The following EOMES variants were observed in gnomAD, a reference collection of about 807,000 sequenced individuals.
EOMES encodes the protein eomesodermin homolog.
EOMES carries 18 observed loss-of-function variants against 61.0 expected under a neutral mutation model. That is an observed-to-expected ratio of 0.30 (90% CI 0.20 to 0.44). The LOEUF (loss-of-function observed/expected upper bound fraction) is 0.44. EOMES is among the 20% of genes least tolerant of loss of function. The pLI is 1.00. For synonymous variants in EOMES, 430 were observed against 394.0 expected, an observed-to-expected ratio of 1.09 and a Z score of -1.08; for missense variants, 885 against 939.2, an observed-to-expected ratio of 0.94 and a Z score of 0.75.
Position 27,717,853 on chromosome 3 carries a change from T to C in EOMES, c.1380-45A>G. On this transcript the variant is annotated intron_variant, in intron 5 of 5. Coordinates refer to ENST00000449599, the MANE Select transcript of EOMES (RefSeq NM_001278182.2). This position sits in a 1 kb window ranked among gnomAD's most constrained non-coding sequence, Gnocchi z 4.5. ...ACTTAAAAAAAAAAAAAAACCCTAA[T>C]GTTGTCCCCAAACAAACCACCTCCC... 2 of 1,226,834 alleles carry C rather than the reference T, an allele frequency of 1.6e-6. No individual in the cohort carries two copies. Among genetic ancestry groups the C allele is most frequent in the Non-Finnish European group, 2.2e-6 (2 of 906,476 alleles). 76.0% of individuals were successfully genotyped at this position (1,226,834 alleles called of 1,614,324 possible).
Position 27,721,715 on chromosome 3 carries a change from C to T in EOMES, c.580G>A (p.Gly194Ser), listed in dbSNP as rs1276070711. 15 of 1,487,434 alleles carry T rather than the reference C, an allele frequency of 1.0e-5. No homozygotes were observed. The highest frequency in any genetic ancestry group is 1.3e-5 in the South Asian group (1 of 74,090). 92.1% of individuals were successfully genotyped at this position (1,487,434 alleles called of 1,614,324 possible). A position where few individuals can be genotyped will look rare whatever the true frequency, so the allele number is the denominator to read the frequency against. The change falls in exon 1 of 6, where the codon GGC becomes AGC. Residue 194 changes from glycine (G) to serine (S), a missense_variant. By Grantham distance (56) the Gly-to-Ser change is moderately conservative. Transcript: ENST00000449599. This position sits in a 1 kb window ranked among gnomAD's most constrained non-coding sequence, Gnocchi z 7.4. Reference sequence around the variant, plus strand: ...GGGCACACAGCCGCGGGGAAGCCGCCGGGGGGCAGCATGGAGCCGTAGGGG... The same window carrying T: ...GGGCACACAGCCGCGGGGAAGCCGCTGGGGGGCAGCATGGAGCCGTAGGGG... The part of the protein sequence containing the change: ...RYPYGSMLPP[G>S]GFPAAVCPPG...
At position 27,718,816 on chromosome 3, in the gene EOMES, G is replaced by A. The variant is rs1220067624; in HGVS notation, c.1236C>T (p.Asp412=). ...TCTGGGTCTTTGAGGGCTCATTCAA[G>A]TCCTCCACGCCATCCTCTGTAACTT... ...IVEVTEDGVE[D]LNEPSKTQTF... The change falls in exon 4 of 6, where the codon GAC becomes GAT. Residue 412 remains aspartate (D), a synonymous_variant. Coordinates refer to ENST00000449599, the MANE Select transcript of EOMES (RefSeq NM_001278182.2). The A allele has an allele frequency of 1.2e-6, 2 of 1,614,122 alleles. No homozygotes were observed. Among genetic ancestry groups the A allele is most frequent in the Non-Finnish European group, 1.7e-6 (2 of 1,179,948 alleles).
intron 5 of EOMES, among the ~76,000 whole-genome samples, chr3:27,718,010 T>C (rs917136214): frequency 6.6e-6 from 1 of 152,102 alleles, no homozygotes; most frequent in Non-Finnish European, 1.5e-5. Context: ...TTTCCCACCA[T>C]GCAAGAAAAA....
Position 27,722,207 on chromosome 3 carries a change from C to A in EOMES, c.88G>T (p.Gly30Cys), listed in dbSNP as rs749340317. The A allele has an allele frequency of 4.1e-5, 66 of 1,604,522 alleles. No homozygotes were observed. Among genetic ancestry groups the A allele is most frequent in the Non-Finnish European group, 5.0e-5 (59 of 1,176,638 alleles). ...YPLESARGGS[G>C]GSAGHLPSAA... is the part of the protein sequence containing the mutation. ...CTGGGGAGGTGGCCAGCGCTCCCGC[C>A]GCTGCCGCCTCGCGCACTCTCCAGC... The change falls in exon 1 of 6, where the codon GGC becomes TGC. Residue 30 changes from glycine (G) to cysteine (C), a missense_variant. Coordinates refer to ENST00000449599, the MANE Select transcript of EOMES (RefSeq NM_001278182.2).
upstream of EOMES, chr3:27,722,598 A>G: frequency 8.5e-7 from 1 of 1,180,864 alleles, no homozygotes; most frequent in Non-Finnish European, 1.0e-6. Flanking sequence ...CCCTCCTCCC[A>G]GGCTCACACG....
At chr3:27,719,998 C>T (rs1483150241) in intron 2 of EOMES, among the ~76,000 whole-genome samples, 173 bp downstream of exon 2, 4 of 152,096 alleles carry the variant, frequency 2.6e-5, no homozygotes, top group Non-Finnish European at 4.4e-5. Context: ...TCTGACTTAG[C>T]AAACTCTCCT....
rs769288626 is a variant in EOMES at position 27,717,647 on chromosome 3, G to T, written c.1541C>A (p.Thr514Asn). 3 of 1,613,946 alleles carry T rather than the reference G, an allele frequency of 1.9e-6. No individual in the cohort carries two copies. Among genetic ancestry groups the T allele is most frequent in the African/African-American group, 2.7e-5 (2 of 74,890 alleles). ...AAGGAGGCCGTTGGTCTGTGGCACG[G>T]TTCTCTCGCCATTATAATAGCGGGC... ...PQARYYNGER[T>N]VPQTNGLLSP... Residue 514 changes from threonine to asparagine, a missense_variant, in exon 6 of 6, where the codon ACC becomes AAC. Transcript: ENST00000449599. This position sits in a 1 kb window ranked among gnomAD's most constrained non-coding sequence, Gnocchi z 4.5.
rs908263568 is a variant in EOMES, at chr3:27,716,873, T to A, written c.*197A>T. The stretch of plus-strand genomic sequence containing the variant: ...AAAGTCTTCCATTAATCTTATTTTT[T>A]AAAAATGCTAGGTTTGTTTCAGTTA... On this transcript the variant is annotated 3_prime_UTR_variant, in exon 6 of 6. Transcript: ENST00000449599. 4.3e-5 allele frequency: 24 copies of A among 556,984 alleles called. No individual in the cohort carries two copies. Among genetic ancestry groups the A allele is most frequent in the African/African-American group, 1.7e-4 (9 of 53,402 alleles). The allele number at this position is 556,984 out of a possible 1,614,324, so 34.5% of individuals were successfully genotyped here. A position where few individuals can be genotyped will look rare whatever the true frequency, so the allele number is the denominator to read the frequency against.
In EOMES at chr3:27,717,116, G is replaced by A; in HGVS notation, c.2072C>T (p.Thr691Ile). The A allele has an allele frequency of 6.2e-7, 1 of 1,611,940 alleles. No individual in the cohort carries two copies. The highest frequency in any genetic ancestry group is 8.5e-7 in the Non-Finnish European group (1 of 1,178,050). The change falls in exon 6 of 6, where the codon ACC (threonine) becomes ATC (isoleucine). Residue 691 changes from threonine to isoleucine, a missense_variant. This residue lies in a region of EOMES where 259 missense variants were observed against 282.3 expected (regional missense o/e 0.92). Coordinates refer to ENST00000449599, the MANE Select transcript of EOMES (RefSeq NM_001278182.2). The surrounding 1 kb of genome is among the most constrained non-coding windows in gnomAD (Gnocchi z 4.5). ...ATAATACCCTCCCATGCCTTTTGAG[G>A]TGTCTTTACTATACTCTTCAGCATT... ...DINAEEYSKD[T>I]SKGMGGYYAF...
intron 1 of EOMES, among the ~76,000 whole-genome samples, chr3:27,720,799 C>T (rs1192049113): frequency 6.6e-6 from 1 of 152,068 alleles, no homozygotes; most frequent in Non-Finnish European, 1.5e-5. Context: ...CTCTCAGCAC[C>T]CACCCCTCCC....
At position 27,717,588 on chromosome 3, in the gene EOMES, G is replaced by A. The variant is rs1344038707; in HGVS notation, c.1600C>T (p.Pro534Ser). Residue 534 changes from proline (P) to serine (S), a missense_variant, in exon 6 of 6, where the codon CCC (proline) becomes TCC (serine). Transcript: ENST00000449599. This position sits in a 1 kb window ranked among gnomAD's most constrained non-coding sequence, Gnocchi z 4.5. Reference sequence around the variant, plus strand: ...ACAGGCGTGACAAGCCACCGCTGGGGAGGGTTGGCCACCTCTTCGCTCTGT... The same window carrying A: ...ACAGGCGTGACAAGCCACCGCTGGGAAGGGTTGGCCACCTCTTCGCTCTGT... Reference protein sequence around the residue: ...PQQSEEVANPPQRWLVTPVQQ... With the variant: ...PQQSEEVANPSQRWLVTPVQQ... 1 of 1,614,096 alleles carries A rather than the reference G, an allele frequency of 6.2e-7. No homozygotes were observed. Among genetic ancestry groups the A allele is most frequent in the Non-Finnish European group, 8.5e-7 (1 of 1,180,042 alleles).
In EOMES at chr3:27,721,656, A is replaced by C; in HGVS notation, c.639T>G (p.Gly213=). The change falls in exon 1 of 6, where the codon GGT becomes GGG. Residue 213 remains glycine, a synonymous_variant. Transcript: ENST00000449599. This position sits in a 1 kb window ranked among gnomAD's most constrained non-coding sequence, Gnocchi z 7.4. ...TGCTACCGCCCGCGCCACTGCCCGCACCGGCTCCTGGGCCGAACTGCGCCC... is the reference window on the plus strand; with the variant it reads ...TGCTACCGCCCGCGCCACTGCCCGCCCCGGCTCCTGGGCCGAACTGCGCCC... The part of the protein sequence containing the change: ...PGRAQFGPGA[G]AGSGAGGSSG... 2 of 1,539,364 alleles carry C rather than the reference A, an allele frequency of 1.3e-6. No homozygotes were observed. Among genetic ancestry groups the C allele is most frequent in the Non-Finnish European group, 1.7e-6 (2 of 1,145,848 alleles).
Position 27,721,877 on chromosome 3 carries a change from T to G in EOMES, c.418A>C (p.Ser140Arg). The change falls in exon 1 of 6, where the codon AGC becomes CGC. Residue 140 changes from serine (S) to arginine (R), a missense_variant. This residue lies in a region of EOMES where 449 missense variants were observed against 383.6 expected (regional missense o/e 1.17). Coordinates refer to ENST00000449599, the MANE Select transcript of EOMES (RefSeq NM_001278182.2). The surrounding 1 kb of genome is among the most constrained non-coding windows in gnomAD (Gnocchi z 7.4). ...ATARYSMDSL[S>R]SERYYLQSPG... ...GACTGGAGGTAGTACCGCTCGGAGC[T>G]CAGGCTGTCCATGGAGTAGCGCGCA... is the stretch of plus-strand genomic sequence containing the variant. 1.3e-6 allele frequency: 2 copies of G among 1,494,404 alleles called. No individual in the cohort carries two copies. Among genetic ancestry groups the G allele is most frequent in the Admixed American group, 2.5e-5 (1 of 39,772 alleles). The allele number at this position is 1,494,404 out of a possible 1,614,324, so 92.6% of individuals were successfully genotyped here.
rs1377655808 is a variant in EOMES, at chr3:27,722,080, C to T, written c.215G>A (p.Ser72Asn). 1.9e-6 allele frequency: 3 copies of T among 1,547,858 alleles called. No individual in the cohort carries two copies. Among genetic ancestry groups the T allele is most frequent in the Admixed American group, 3.9e-5 (2 of 50,828 alleles). Residue 72 changes from serine to asparagine, a missense_variant, in exon 1 of 6, where the codon AGC becomes AAC. Around this residue, in one of 3 missense-constraint regions of EOMES, gnomAD observed 449 missense variants for 383.6 expected, o/e 1.17. Coordinates refer to ENST00000449599, the MANE Select transcript of EOMES (RefSeq NM_001278182.2). ...EAVSGEPAAASAGAPAAMLSD... is the reference protein window; with the variant it reads ...EAVSGEPAAANAGAPAAMLSD... ...AAGCATGGCCGCGGGGGCCCCTGCG[C>T]TGGCGGCTGCGGGCTCCCCGCTCAC...
At position 27,717,852 on chromosome 3, in the gene EOMES, A is replaced by T. The variant is rs2060581852; in HGVS notation, c.1380-44T>A. 7.6e-7 allele frequency: 1 copy of T among 1,323,842 alleles called. No homozygotes were observed. Among genetic ancestry groups the T allele is most frequent in the Admixed American group, 2.8e-5 (1 of 35,644 alleles). The allele number at this position is 1,323,842 out of a possible 1,614,324, so 82.0% of individuals were successfully genotyped here. ...CACTTAAAAAAAAAAAAAAACCCTAATGTTGTCCCCAAACAAACCACCTCC... is the reference window on the plus strand; with the variant it reads ...CACTTAAAAAAAAAAAAAAACCCTATTGTTGTCCCCAAACAAACCACCTCC... On this transcript the variant is annotated intron_variant, in intron 5 of 5. Transcript: ENST00000449599. This position sits in a 1 kb window ranked among gnomAD's most constrained non-coding sequence, Gnocchi z 4.5.
chr3:27,720,443 G>T (rs1053769031), intron 1 of EOMES, 118 bp from the exon 2 acceptor site: 4 of 673,118 alleles, frequency 5.9e-6, no homozygotes, highest in Non-Finnish European at 1.0e-5. Context: ...TTAAAAGTTT[G>T]CAGTGAACAG....
chr3:27,717,666 A>T lies in EOMES; in HGVS notation c.1522T>A (p.Tyr508Asn). The change falls in exon 6 of 6, where the codon TAT becomes AAT. Residue 508 changes from tyrosine (Y) to asparagine (N), a missense_variant. Transcript: ENST00000449599. This position sits in a 1 kb window ranked among gnomAD's most constrained non-coding sequence, Gnocchi z 4.5. ...GGCACGGTTCTCTCGCCATTATAAT[A>T]GCGGGCTTGAGGTAAAGTGTTGACA... ...PFVNTLPQAR[Y>N]YNGERTVPQT... is the part of the protein sequence containing the mutation. 1 of 1,614,066 alleles carries T rather than the reference A, an allele frequency of 6.2e-7. No individual in the cohort carries two copies. Among genetic ancestry groups the T allele is most frequent in the African/African-American group, 1.3e-5 (1 of 75,010 alleles).
intron 2 of EOMES, among the ~76,000 whole-genome samples, chr3:27,719,749 ACTCT>A (rs1287729488): frequency 1.3e-5 from 2 of 152,032 alleles, no homozygotes; most frequent in East Asian, 3.9e-4. Flanking sequence ...ACAAGAGATG[ACTCT>A]TGAAGGTCAA....
chr3:27,721,395 C>T lies in EOMES; in HGVS notation c.881+19G>A, dbSNP rs1291125056. 1.3e-6 allele frequency: 2 copies of T among 1,597,004 alleles called. No individual in the cohort carries two copies. Among genetic ancestry groups the T allele is most frequent in the African/African-American group, 1.3e-5 (1 of 74,754 alleles). ...ACCCTTTATCCCCGAACCCAGGGGCCCCTCCACGCTGCGCTCACCTGCCCT... is the reference window on the plus strand; with the variant it reads ...ACCCTTTATCCCCGAACCCAGGGGCTCCTCCACGCTGCGCTCACCTGCCCT... On this transcript the variant is annotated intron_variant, in intron 1 of 5. Coordinates refer to ENST00000449599, the MANE Select transcript of EOMES (RefSeq NM_001278182.2). The surrounding 1 kb of genome is among the most constrained non-coding windows in gnomAD (Gnocchi z 7.4).
Sources: gnomAD v4.1 joint callset for allele counts (sites outside exome capture counted in the v4.1 genomes callset) on GRCh38, gnomAD v4.1.1 for gene constraint, gnomAD v4.1.1 regional missense constraint, Gnocchi (gnomAD v3.1) non-coding constraint, MANE v1.5 for transcripts, NCBI Gene and HGNC (gene_info 2026-07-23, HGNC 2026-07-21) for gene names.